Variants in CHRNA7 observed in about 807,000 individuals in gnomAD.
CHRNA7 encodes the protein neuronal acetylcholine receptor subunit alpha-7.
Under a neutral mutation model 48.0 loss-of-function variants are expected in CHRNA7, and 17 were observed. The ratio of observed to expected loss-of-function variants is 0.35; its 90% CI spans 0.24 to 0.53. The LOEUF (loss-of-function observed/expected upper bound fraction) is 0.53. Ranked by LOEUF, CHRNA7 falls within the 20% of genes least tolerant of loss-of-function variation. The pLI is 0.92. For missense variants in CHRNA7, 155 were observed against 577.7 expected (o/e 0.27, Z 7.50); for synonymous variants, 75 against 242.3 (o/e 0.31, Z 6.41).
intron 2 of CHRNA7, among the ~76,000 whole-genome samples, chr15:32,071,663 G>C (rs956874308): frequency 6.6e-6 from 1 of 152,046 alleles, no homozygotes; most frequent in Non-Finnish European, 1.5e-5. Flanking sequence ...GTTCAAAAGA[G>C]CCTGGCACCT....
intron 2 of CHRNA7, among the ~76,000 whole-genome samples, chr15:32,051,723 A>T (rs2049686159): frequency 6.6e-6 from 1 of 152,186 alleles, no homozygotes; most frequent in Non-Finnish European, 1.5e-5. Flanking sequence ...GAAATGCAGG[A>T]ATCACCCGTC....
intron 2 of CHRNA7, among the ~76,000 whole-genome samples, chr15:32,084,361 A>G (rs1019737238): frequency 6.6e-6 from 1 of 152,162 alleles, no homozygotes; most frequent in Non-Finnish European, 1.5e-5. Flanking sequence ...TGGTTTCACA[A>G]GGTAGGACTT....
intron 2 of CHRNA7, among the ~76,000 whole-genome samples, chr15:32,041,509 C>T (rs1295759630): frequency 1.3e-5 from 2 of 152,242 alleles, no homozygotes; most frequent in African/African-American, 2.4e-5. Flanking sequence ...AGTAATGCTC[C>T]CTGACCTGCC....
chr15:32,146,854 A>G (rs1050402841), intron 4 of CHRNA7, among the ~76,000 whole-genome samples: 3 of 152,230 alleles, frequency 2.0e-5, no homozygotes, highest in African/African-American at 7.2e-5. Flanking sequence ...AAAATTTACA[A>G]TGATGAGCAA....
At chr15:32,112,629 A>G (rs2050782367) in intron 4 of CHRNA7, among the ~76,000 whole-genome samples, 1 of 152,250 alleles carries the variant, frequency 6.6e-6, no homozygotes, top group Admixed American at 6.5e-5. Context: ...GACCTCATAA[A>G]TAACATCATG....
chr15:32,097,948 G>T (rs1001155407), intron 2 of CHRNA7, among the ~76,000 whole-genome samples: 1 of 152,224 alleles, frequency 6.6e-6, no homozygotes, highest in African/African-American at 2.4e-5. Context: ...CTTCCCTCCT[G>T]GGGTGAGGAA....
intron 2 of CHRNA7, among the ~76,000 whole-genome samples, chr15:32,095,237 G>C (rs984265591): frequency 5.3e-5 from 8 of 152,218 alleles, no homozygotes; most frequent in African/African-American, 1.9e-4. Context: ...TGTGGTACGA[G>C]GACCAGGATG....
chr15:32,038,603 A>G (rs1169893607), intron 2 of CHRNA7, among the ~76,000 whole-genome samples: 1 of 152,200 alleles, frequency 6.6e-6, no homozygotes, highest in Non-Finnish European at 1.5e-5. Context: ...TCCTGAGCTC[A>G]GTTGATCTGC....
At chr15:32,071,330 A>G (rs2050054638) in intron 2 of CHRNA7, among the ~76,000 whole-genome samples, 1 of 152,218 alleles carries the variant, frequency 6.6e-6, no homozygotes, top group African/African-American at 2.4e-5. Context: ...GGATTTTGAT[A>G]TGATTACATT....
At chr15:32,065,940 G>C (rs1449404502) in intron 2 of CHRNA7, among the ~76,000 whole-genome samples, 1 of 128,728 alleles carries the variant, frequency 7.8e-6, no homozygotes, top group Non-Finnish European at 1.6e-5. Context: ...AGAGCTGTCA[G>C]CTGCCTGGCT....
intron 2 of CHRNA7, among the ~76,000 whole-genome samples, chr15:32,054,155 T>A (rs948769162): frequency 6.6e-6 from 1 of 152,218 alleles, no homozygotes. Flanking sequence ...TTCAGGATTG[T>A]TAAATGAGTT....
chr15:32,107,093 G>T (rs2141271603), intron 3 of CHRNA7, among the ~76,000 whole-genome samples: 1 of 152,242 alleles, frequency 6.6e-6, no homozygotes, highest in Middle Eastern at 3.4e-3. Context: ...CAAAATAATG[G>T]ACGGGAATAA....
intron 4 of CHRNA7, among the ~76,000 whole-genome samples, chr15:32,153,221 C>T (rs1302273390): frequency 2.0e-5 from 3 of 151,898 alleles, no homozygotes; most frequent in Non-Finnish European, 4.4e-5. Flanking sequence ...GAGATCGAGA[C>T]CATCCCGGCT....
At chr15:32,079,318 AAAG>A (rs2141229797) in intron 2 of CHRNA7, among the ~76,000 whole-genome samples, 1 of 152,292 alleles carries the variant, frequency 6.6e-6, no homozygotes, top group East Asian at 1.9e-4. Flanking sequence ...CAGGCAAGAG[AAAG>A]AAGTAGAGGG....
chr15:32,070,915 C>T (rs1191213319), intron 2 of CHRNA7, among the ~76,000 whole-genome samples: 1 of 151,844 alleles, frequency 6.6e-6, no homozygotes, highest in Non-Finnish European at 1.5e-5. Context: ...TCTTGATCTC[C>T]TGACTTCATG....
rs577445810 is a variant in CHRNA7 at position 32,030,603 on chromosome 15, C to G, written c.9C>G (p.Cys3Trp). 2.1e-5 allele frequency: 33 copies of G among 1,556,002 alleles called. No homozygotes were observed. In the Admixed American group the frequency reaches 2.9e-4, roughly 14 times the overall value. Residue 3 changes from cysteine to tryptophan, a missense_variant, in exon 1 of 10, where the codon TGC (cysteine) becomes TGG (tryptophan). Coordinates refer to ENST00000306901, the MANE Select transcript of CHRNA7 (RefSeq NM_000746.6). The stretch of plus-strand genomic sequence containing the variant: ...CAGCTCCGGGACTCAACATGCGCTG[C>G]TCGCCGGGAGGCGTCTGGCTGGCGC... MR[C>W]SPGGVWLALA...
rs768184804 is a variant in CHRNA7, at chr15:32,158,289, CTT to C, written c.599-112_599-111del. 4,098 of 521,906 alleles carry C rather than the reference CTT, an allele frequency of 7.9e-3. 14 individuals are homozygous for C. The highest frequency in any genetic ancestry group is 0.05 in the African/African-American group (1,053 of 20,932). The allele number at this position is 521,906 out of a possible 1,614,324, so 32.3% of individuals were successfully genotyped here. On this transcript the variant is annotated intron_variant, in intron 6 of 9. Transcript: ENST00000306901. Reference sequence around the variant, plus strand: ...TATTCAAGCTAATTACAACCCCCCCCTTTTTTTTTTTTAGCACTTTGCAAACT... The same window carrying C: ...TATTCAAGCTAATTACAACCCCCCCCTTTTTTTTTTAGCACTTTGCAAACT...
intron 8 of CHRNA7, chr15:32,162,236 CG>C (rs2051919521): frequency 6.8e-6 from 1 of 147,290 alleles, no homozygotes; most frequent in Non-Finnish European, 1.5e-5. Context: ...TGGCCACTGG[CG>C]ATCCACTCAA....
At chr15:32,141,684 A>G in intron 4 of CHRNA7, among the ~76,000 whole-genome samples, 1 of 152,144 alleles carries the variant, frequency 6.6e-6, no homozygotes, top group East Asian at 1.9e-4. Flanking sequence ...CTTTGTAGCA[A>G]TTGTGAATGG....
Sources: gnomAD v4.1 joint callset for allele counts (sites outside exome capture counted in the v4.1 genomes callset) on GRCh38, gnomAD v4.1.1 for gene constraint, MANE v1.5 for transcripts, NCBI Gene and HGNC (gene_info 2026-07-23, HGNC 2026-07-21) for gene names.